GIMAP7: variants seen among roughly 807,000 people sequenced by gnomAD.
GIMAP7 encodes GTPase, IMAP family member 7, also known as GTPase IMAP family member 7.
For missense variants in GIMAP7, 323 were observed against 359.7 expected, an observed-to-expected ratio of 0.90 and a Z score of 0.83; for synonymous variants, 137 against 129.3, an observed-to-expected ratio of 1.06 and a Z score of -0.40.
Position 150,517,592 on chromosome 7 carries a change from A to T in GIMAP7, c.-41-2342A>T, listed in dbSNP as rs532078721. Among the ~76,000 whole-genome samples the T allele has an allele frequency of 6.0e-5, 9 of 150,344 alleles. No homozygotes were observed. The East Asian group carries it at 1.5e-3, about 26-fold the overall frequency. ...ATGGACTTCAAAACAGTACACACAC[A>T]CACACATACACACACACACACAGTG... On this transcript the variant is annotated intron_variant, in intron 1 of 1. Coordinates refer to ENST00000313543, the MANE Select transcript of GIMAP7 (RefSeq NM_153236.4).
intron 1 of GIMAP7, among the ~76,000 whole-genome samples, chr7:150,518,011 A>G (rs1585137117): frequency 6.6e-6 from 1 of 151,804 alleles, no homozygotes; most frequent in Admixed American, 6.6e-5. Flanking sequence ...TATTTTCTTC[A>G]CTTGGCTTTT....
At position 150,520,383 on chromosome 7, in the gene GIMAP7, T is replaced by C. The variant is rs757301966; in HGVS notation, c.409T>C (p.Leu137=). The C allele has an allele frequency of 1.9e-5, 30 of 1,613,870 alleles. No homozygotes were observed. The African/African-American group carries it at 3.7e-4, about 20-fold the overall frequency. ...CATCTTGTTCACTCGCAAAGAAGAGTTGGAGGGCCAGAGCTTCCATGACTT... is the reference window on the plus strand; with the variant it reads ...CATCTTGTTCACTCGCAAAGAAGAGCTGGAGGGCCAGAGCTTCCATGACTT... ...MVILFTRKEE[L]EGQSFHDFIA... Residue 137 remains leucine, a synonymous_variant, in exon 2 of 2, where the codon TTG becomes CTG. Coordinates refer to ENST00000313543, the MANE Select transcript of GIMAP7 (RefSeq NM_153236.4).
At position 150,520,446 on chromosome 7, in the gene GIMAP7, A is replaced by G. The variant is rs746883768; in HGVS notation, c.472A>G (p.Lys158Glu). The G allele has an allele frequency of 6.8e-6, 11 of 1,614,120 alleles. No individual in the cohort carries two copies. In the South Asian group the frequency reaches 1.2e-4, roughly 18 times the overall value. Reference sequence around the variant, plus strand: ...GGATGTGGGCCTAAAAAGCATCGTCAAGGAGTGCGGGAACCGCTGCTGTGC... The same window carrying G: ...GGATGTGGGCCTAAAAAGCATCGTCGAGGAGTGCGGGAACCGCTGCTGTGC... ...DADVGLKSIV[K>E]ECGNRCCAFS... Residue 158 changes from lysine (K) to glutamate (E), a missense_variant, in exon 2 of 2, where the codon AAG (lysine) becomes GAG (glutamate). Lys to Glu is a moderately conservative substitution (Grantham distance 56). Coordinates refer to ENST00000313543, the MANE Select transcript of GIMAP7 (RefSeq NM_153236.4).
At position 150,520,124 on chromosome 7, in the gene GIMAP7, A is replaced by G. The variant is rs772643551; in HGVS notation, c.150A>G (p.Ala50=). ...CTGTTACCAAGAACTGTCAAAAAGCATCCCGGGAATGGCAGGGGAGAGACC... is the reference window on the plus strand; with the variant it reads ...CTGTTACCAAGAACTGTCAAAAAGCGTCCCGGGAATGGCAGGGGAGAGACC... ...AQAVTKNCQK[A]SREWQGRDLL... Residue 50 remains alanine, a synonymous_variant, in exon 2 of 2, where the codon GCA becomes GCG. Coordinates refer to ENST00000313543, the MANE Select transcript of GIMAP7 (RefSeq NM_153236.4). 4 of 1,614,166 alleles carry G rather than the reference A, an allele frequency of 2.5e-6. No individual in the cohort carries two copies. The highest frequency in any genetic ancestry group is 3.4e-6 in the Non-Finnish European group (4 of 1,180,004).
chr7:150,520,370 T>C lies in GIMAP7; in HGVS notation c.396T>C (p.Thr132=). The C allele has an allele frequency of 6.2e-7, 1 of 1,614,208 alleles. No individual in the cohort carries two copies. Among genetic ancestry groups the C allele is most frequent in the Non-Finnish European group, 8.5e-7 (1 of 1,180,046 alleles). ...SAMKHMVILF[T]RKEELEGQSF... Reference sequence around the variant, plus strand: ...TGAAGCACATGGTCATCTTGTTCACTCGCAAAGAAGAGTTGGAGGGCCAGA... The same window carrying C: ...TGAAGCACATGGTCATCTTGTTCACCCGCAAAGAAGAGTTGGAGGGCCAGA... The change falls in exon 2 of 2, where the codon ACT becomes ACC. Residue 132 remains threonine, a synonymous_variant. Coordinates refer to ENST00000313543, the MANE Select transcript of GIMAP7 (RefSeq NM_153236.4).
intron 1 of GIMAP7, among the ~76,000 whole-genome samples, chr7:150,515,824 G>A (rs879666667): frequency 6.6e-6 from 1 of 152,156 alleles, no homozygotes; most frequent in Non-Finnish European, 1.5e-5. Flanking sequence ...AAAAGTCCAC[G>A]AGAAATGCGG....
chr7:150,520,527 T>G lies in GIMAP7; in HGVS notation c.553T>G (p.Leu185Val). 2 of 1,613,670 alleles carry G rather than the reference T, an allele frequency of 1.2e-6. No individual in the cohort carries two copies. The change falls in exon 2 of 2, where the codon TTG (leucine) becomes GTG (valine). Residue 185 changes from leucine to valine, a missense_variant. Leu to Val is a conservative substitution (Grantham distance 32). Transcript: ENST00000313543. ...KAEKESQVQE[L>V]VELIEKMVQC... ...AGAGAAGGAAAGTCAAGTGCAGGAG[T>G]TGGTGGAGCTGATAGAGAAAATGGT...
rs938356459 is a variant in GIMAP7 at position 150,519,957 on chromosome 7, G to C, written c.-18G>C. 6.2e-7 allele frequency: 1 copy of C among 1,610,204 alleles called. No homozygotes were observed. Among genetic ancestry groups the C allele is most frequent in the Non-Finnish European group, 8.5e-7 (1 of 1,177,288 alleles). On this transcript the variant is annotated 5_prime_UTR_variant, in exon 2 of 2. Transcript: ENST00000313543. ...AGGTCTTGTACGTGCCTAAGTTCTA[G>C]AGCCTCCTGACGTGAGCATGGCTGA...
At chr7:150,518,510 C>G (rs888852043) in intron 1 of GIMAP7, among the ~76,000 whole-genome samples, 3 of 151,484 alleles carry the variant, frequency 2.0e-5, no homozygotes, top group African/African-American at 4.9e-5. Context: ...TTTCTTTGGC[C>G]GTGGGTTCAT....
Position 150,520,872 on chromosome 7 carries a change from T to A in GIMAP7, c.898T>A (p.Ser300Thr). ...TTTGTCGAAATGTAAGTTTTATTCT[T>A]CCTAATTTACTGTGATTTGTTAATG... is the stretch of plus-strand genomic sequence containing the variant. ...RFLSKCKFYS[S>T] is the part of the protein sequence containing the mutation. The change falls in exon 2 of 2, where the codon TCC (serine) becomes ACC (threonine). Residue 300 changes from serine to threonine, a missense_variant. By Grantham distance (58) the Ser-to-Thr change is moderately conservative. Transcript: ENST00000313543. 7.0e-7 allele frequency: 1 copy of A among 1,436,280 alleles called. No individual in the cohort carries two copies. Among genetic ancestry groups the A allele is most frequent in the Non-Finnish European group, 9.2e-7 (1 of 1,083,674 alleles). The allele number at this position is 1,436,280 out of a possible 1,614,324, so 89.0% of individuals were successfully genotyped here.
chr7:150,520,636 G>C lies in GIMAP7; in HGVS notation c.662G>C (p.Arg221Thr). The C allele has an allele frequency of 6.2e-7, 1 of 1,609,942 alleles. No homozygotes were observed. Among genetic ancestry groups the C allele is most frequent in the Non-Finnish European group, 8.5e-7 (1 of 1,178,244 alleles). Residue 221 changes from arginine (R) to threonine (T), a missense_variant, in exon 2 of 2, where the codon AGG becomes ACG. Coordinates refer to ENST00000313543, the MANE Select transcript of GIMAP7 (RefSeq NM_153236.4). ...CTGAAACAACGGGAAGAGGTTTTGA[G>C]GAAAATCTACACTGACCAATTAAAT... is the stretch of plus-strand genomic sequence containing the variant. ...ERLKQREEVL[R>T]KIYTDQLNEE...
intron 1 of GIMAP7, among the ~76,000 whole-genome samples, chr7:150,515,868 C>A (rs1795132082): frequency 6.6e-6 from 1 of 152,216 alleles, no homozygotes; most frequent in Non-Finnish European, 1.5e-5. Flanking sequence ...AACAGGCTGG[C>A]TCCCAGCTCA....
At chr7:150,518,152 G>A (rs1043130039) in intron 1 of GIMAP7, among the ~76,000 whole-genome samples, 1 of 151,956 alleles carries the variant, frequency 6.6e-6, no homozygotes, top group Non-Finnish European at 1.5e-5. Context: ...CCCCACTGAT[G>A]GGCATCATTC....
In GIMAP7 at chr7:150,520,253, T is replaced by G. The variant is rs761747672; in HGVS notation, c.279T>G (p.His93Gln). 1 of 1,614,104 alleles carries G rather than the reference T, an allele frequency of 6.2e-7. No homozygotes were observed. Among genetic ancestry groups the G allele is most frequent in the Non-Finnish European group, 8.5e-7 (1 of 1,180,004 alleles). Residue 93 changes from histidine to glutamine, a missense_variant, in exon 2 of 2, where the codon CAT becomes CAG. His to Gln is a conservative substitution (Grantham distance 24, BLOSUM62 0). Transcript: ENST00000313543. ...RCIISSCPGP[H>Q]AIVLVLLLGR... is the part of the protein sequence containing the mutation. ...TCATCTCCTCCTGCCCAGGGCCCCA[T>G]GCTATTGTCCTAGTTCTGCTGCTGG...
At chr7:150,519,248 AGAT>A (rs1187862790) in intron 1 of GIMAP7, among the ~76,000 whole-genome samples, 4 of 152,210 alleles carry the variant, frequency 2.6e-5, no homozygotes, top group African/African-American at 9.6e-5. Flanking sequence ...CCAGAAAAAA[AGAT>A]GACAAAATTG....
Position 150,520,604 on chromosome 7 carries a change from G to A in GIMAP7, c.630G>A (p.Glu210=). The part of the protein sequence containing the change: ...YFSDDIYKDT[E]ERLKQREEVL... ...CTGATGACATATACAAGGACACAGA[G>A]GAAAGGCTGAAACAACGGGAAGAGG... Residue 210 remains glutamate (E), a synonymous_variant, in exon 2 of 2, where the codon GAG becomes GAA. Coordinates refer to ENST00000313543, the MANE Select transcript of GIMAP7 (RefSeq NM_153236.4). 4.3e-6 allele frequency: 7 copies of A among 1,614,054 alleles called. No individual in the cohort carries two copies. Among genetic ancestry groups the A allele is most frequent in the Non-Finnish European group, 5.9e-6 (7 of 1,180,024 alleles).
chr7:150,515,316 G>GA (rs751857724), intron 1 of GIMAP7, among the ~76,000 whole-genome samples: 16 of 152,134 alleles, frequency 1.1e-4, no homozygotes, highest in African/African-American at 3.9e-4. Context: ...TACAGAAAAA[G>GA]AATCAGAATC....
In GIMAP7 at chr7:150,520,585, A is replaced by C; in HGVS notation, c.611A>C (p.Asp204Ala). 1 of 1,614,222 alleles carries C rather than the reference A, an allele frequency of 6.2e-7. No individual in the cohort carries two copies. Among genetic ancestry groups the C allele is most frequent in the East Asian group, 2.2e-5 (1 of 44,890 alleles). ...AACGAAGGGGCTTACTTTTCTGATGACATATACAAGGACACAGAGGAAAGG... is the reference window on the plus strand; with the variant it reads ...AACGAAGGGGCTTACTTTTCTGATGCCATATACAAGGACACAGAGGAAAGG... ...QCNEGAYFSDDIYKDTEERLK... is the reference protein window; with the variant it reads ...QCNEGAYFSDAIYKDTEERLK... The change falls in exon 2 of 2, where the codon GAC becomes GCC. Residue 204 changes from aspartate (D) to alanine (A), a missense_variant. Asp to Ala is a moderately radical substitution (Grantham distance 126). Coordinates refer to ENST00000313543, the MANE Select transcript of GIMAP7 (RefSeq NM_153236.4).
intron 1 of GIMAP7, among the ~76,000 whole-genome samples, chr7:150,515,533 A>G (rs1210670717): frequency 1.3e-5 from 2 of 152,220 alleles, no homozygotes; most frequent in East Asian, 1.9e-4. Flanking sequence ...ATGAAAGCCT[A>G]AGGACAACCC....
Sources: gnomAD v4.1 joint callset for allele counts (sites outside exome capture counted in the v4.1 genomes callset) on GRCh38, gnomAD v4.1.1 for gene constraint, MANE v1.5 for transcripts, NCBI Gene and HGNC (gene_info 2026-07-23, HGNC 2026-07-21) for gene names.